The following ZNF714 variants were observed in gnomAD, a reference collection of about 807,000 sequenced individuals.
The protein encoded by ZNF714 is zinc finger protein 714.
Under a neutral mutation model 46.2 loss-of-function variants are expected in ZNF714, and 32 were observed. That is an observed-to-expected ratio of 0.69 (90% CI 0.52 to 0.93). The LOEUF (loss-of-function observed/expected upper bound fraction) is 0.93, where lower values mean the gene tolerates loss of function less well. Ranked by LOEUF, ZNF714 falls within the 40% of genes least tolerant of loss-of-function variation. The pLI, the probability that ZNF714 is intolerant of heterozygous loss-of-function variation, is 0.00. For missense variants in ZNF714, 635 were observed against 646.3 expected, an observed-to-expected ratio of 0.98 and a Z score of 0.19; for synonymous variants, 199 against 213.1, an observed-to-expected ratio of 0.93 and a Z score of 0.58.
At chr19:21,095,137 A>AG (rs1401397490) in intron 2 of ZNF714, among the ~76,000 whole-genome samples, 4 of 152,148 alleles carry the variant, frequency 2.6e-5, no homozygotes, top group Non-Finnish European at 5.9e-5. Flanking sequence ...TTTGCTATGA[A>AG]GAAGCTCTTT....
intron 4 of ZNF714, among the ~76,000 whole-genome samples, chr19:21,110,658 G>A (rs1007513222): frequency 5.3e-5 from 8 of 152,032 alleles, no homozygotes; most frequent in Non-Finnish European, 8.8e-5. Context: ...TGAAATCTTT[G>A]CCCATGCCTA....
chr19:21,117,600 T>TC lies in ZNF714; in HGVS notation c.936_937insC (p.Tyr313LeufsTer4). Reference sequence around the variant, plus strand: ...AGATAATTCATTCTGGAGAGAAATCTTACAAATGTGAACAATGTGGCAAAG... The same window carrying TC: ...AGATAATTCATTCTGGAGAGAAATCTCTACAAATGTGAACAATGTGGCAAAG... On this transcript the variant is annotated frameshift_variant, in exon 5 of 5. Coordinates refer to ENST00000456283, the MANE Select transcript of ZNF714 (RefSeq NM_182515.4). LOFTEE classifies it high-confidence loss of function. The TC allele has an allele frequency of 1.9e-6, 3 of 1,609,694 alleles. No homozygotes were observed. The South Asian group carries it at 3.3e-5, about 18-fold the overall frequency.
intron 4 of ZNF714, among the ~76,000 whole-genome samples, chr19:21,107,823 A>G (rs1468218063): frequency 6.6e-6 from 1 of 152,014 alleles, no homozygotes; most frequent in East Asian, 1.9e-4. Flanking sequence ...TACTCAACCC[A>G]TGTGTTTTAT....
At chr19:21,082,496 C>T (rs1008546563) in intron 1 of ZNF714, 148 bp downstream of exon 1, 28 of 792,002 alleles carry the variant, frequency 3.5e-5, no homozygotes, top group Middle Eastern at 2.8e-4. Flanking sequence ...CCTCAGTCCC[C>T]TTCAGCCATA....
chr19:21,098,579 C>T (rs74658357), intron 3 of ZNF714, among the ~76,000 whole-genome samples: 6,903 of 151,988 alleles, frequency 0.045, 531 homozygotes, highest in African/African-American at 0.16. Flanking sequence ...AAATATTGCC[C>T]GTATCTTAAA....
chr19:21,121,904 T>G lies in ZNF714; in HGVS notation c.*3572T>G, dbSNP rs1321675856. On this transcript the variant is annotated 3_prime_UTR_variant, in exon 5 of 5. Coordinates refer to ENST00000456283, the MANE Select transcript of ZNF714 (RefSeq NM_182515.4). ...TTTAGGAAGTATTCATTATATGAGC[T>G]GGTCTGTGATTATAAGAATTTTTAT... is the stretch of plus-strand genomic sequence containing the variant. 6.6e-6 allele frequency: 1 copy of G among 152,210 alleles called. No individual in the cohort carries two copies. Among genetic ancestry groups the G allele is most frequent in the Non-Finnish European group, 1.5e-5 (1 of 68,024 alleles). 9.4% of individuals were successfully genotyped at this position (152,210 alleles called of 1,614,324 possible).
chr19:21,098,087 ATTCTC>A (rs1969086173), intron 2 of ZNF714, 93 bp from the exon 3 acceptor site: 1 of 1,482,738 alleles, frequency 6.7e-7, no homozygotes, highest in African/African-American at 1.4e-5. Context: ...AAGTCAACCA[ATTCTC>A]TTTACTCTCT....
chr19:21,116,828 G>C lies in ZNF714; in HGVS notation c.164G>C (p.Arg55Thr). Residue 55 changes from arginine (R) to threonine (T), a missense_variant, in exon 5 of 5, where the codon AGA becomes ACA. Physicochemically the swap from Arg to Thr is moderately conservative, Grantham distance 71. Transcript: ENST00000456283. ...TCAGCTATGTGTTCTTCTTTTACCA[G>C]AGACCTTTGGCCAGAGCAAGACATA... ...ESPAMCSSFTRDLWPEQDIKD... is the reference protein window; with the variant it reads ...ESPAMCSSFTTDLWPEQDIKD... 2 of 1,597,180 alleles carry C rather than the reference G, an allele frequency of 1.3e-6. No homozygotes were observed. The highest frequency in any genetic ancestry group is 2.7e-5 in the African/African-American group (2 of 73,826).
chr19:21,091,303 A>G (rs554268021), intron 2 of ZNF714: 1 of 152,242 alleles, frequency 6.6e-6, no homozygotes, highest in South Asian at 2.1e-4. Flanking sequence ...TCTCATCACC[A>G]TGTTAATTTT....
chr19:21,090,405 G>A (rs571908725), intron 2 of ZNF714, among the ~76,000 whole-genome samples: 1 of 152,284 alleles, frequency 6.6e-6, no homozygotes, highest in South Asian at 2.1e-4. Context: ...TATGTCCCAT[G>A]GTCCTGTAGA....
chr19:21,098,365 C>CT, intron 3 of ZNF714, 54 bp downstream of exon 3: 3 of 1,571,734 alleles, frequency 1.9e-6, no homozygotes, highest in Non-Finnish European at 2.6e-6. Flanking sequence ...TTTTATGTCT[C>CT]TTTTTTTGTA....
At position 21,117,410 on chromosome 19, in the gene ZNF714, T is replaced by A. The variant is rs1369497864; in HGVS notation, c.746T>A (p.Val249Glu). 3.1e-6 allele frequency: 5 copies of A among 1,612,636 alleles called. No homozygotes were observed. The highest frequency in any genetic ancestry group is 8.5e-7 in the Non-Finnish European group (1 of 1,179,446). ...TCTTCACACCTTACTACACATAAGG[T>A]AATTCATACTGGAGAGAAGCCCTTC... ...YHSSHLTTHKVIHTGEKPFKC... is the reference protein window; with the variant it reads ...YHSSHLTTHKEIHTGEKPFKC... The change falls in exon 5 of 5, where the codon GTA (valine) becomes GAA (glutamate). Residue 249 changes from valine (V) to glutamate (E), a missense_variant. Physicochemically the swap from Val to Glu is moderately radical, Grantham distance 121. Transcript: ENST00000456283.
At chr19:21,095,126 C>T (rs1240604864) in intron 2 of ZNF714, among the ~76,000 whole-genome samples, 1 of 151,966 alleles carries the variant, frequency 6.6e-6, no homozygotes, top group Middle Eastern at 3.2e-3. Context: ...TGATAGTTTC[C>T]TTTGCTATGA....
In ZNF714 at chr19:21,123,530, T is replaced by A. The variant is rs181423327; in HGVS notation, c.*5198T>A. ...CTACCGCACCCGTCTAATTTTTTTG[T>A]ATTTTTAGTAGAGACGGGATTTCAC... On this transcript the variant is annotated 3_prime_UTR_variant, in exon 5 of 5. Transcript: ENST00000456283. 5.9e-5 allele frequency among the ~76,000 whole-genome samples: 9 copies of A among 152,174 alleles called. No homozygotes were observed. The highest frequency in any genetic ancestry group is 1.0e-4 in the Non-Finnish European group (7 of 68,014).
In ZNF714 at chr19:21,117,416, A is replaced by G. The variant is rs928379868; in HGVS notation, c.752A>G (p.His251Arg). 52 of 1,613,204 alleles carry G rather than the reference A, an allele frequency of 3.2e-5. No homozygotes were observed. Among genetic ancestry groups the G allele is most frequent in the East Asian group, 6.7e-5 (3 of 44,826 alleles). ...SSHLTTHKVI[H>R]TGEKPFKCEE... ...CACCTTACTACACATAAGGTAATTC[A>G]TACTGGAGAGAAGCCCTTCAAATGT... Residue 251 changes from histidine (H) to arginine (R), a missense_variant, in exon 5 of 5, where the codon CAT becomes CGT. Transcript: ENST00000456283.
rs191469039 is a variant in ZNF714, at chr19:21,124,747, A to C, written c.*6415A>C. On this transcript the variant is annotated 3_prime_UTR_variant, in exon 5 of 5. Transcript: ENST00000456283. The stretch of plus-strand genomic sequence containing the variant: ...TACTTATTATTTGACAGACTTTCCA[A>C]ACCCCCATTTCTTCTAAATACCTTG... 2.0e-5 allele frequency among the ~76,000 whole-genome samples: 3 copies of C among 151,998 alleles called. No homozygotes were observed. Among genetic ancestry groups the C allele is most frequent in the African/African-American group, 7.2e-5 (3 of 41,472 alleles).
At chr19:21,100,166 T>A (rs1969142970) in intron 4 of ZNF714, among the ~76,000 whole-genome samples, 1 of 152,048 alleles carries the variant, frequency 6.6e-6, no homozygotes. Flanking sequence ...CATAAAATAT[T>A]TTTAAATTTA....
intron 2 of ZNF714, among the ~76,000 whole-genome samples, chr19:21,097,889 C>T (rs1327384871): frequency 6.6e-6 from 1 of 151,940 alleles, no homozygotes; most frequent in Non-Finnish European, 1.5e-5. Flanking sequence ...ATATACACAA[C>T]TCATTATGAT....
At chr19:21,102,269 G>A (rs1208768342) in intron 4 of ZNF714, among the ~76,000 whole-genome samples, 2 of 151,966 alleles carry the variant, frequency 1.3e-5, no homozygotes, top group Non-Finnish European at 2.9e-5. Context: ...TGGACATTTA[G>A]GACAATATGC....
Sources: gnomAD v4.1 joint callset for allele counts (sites outside exome capture counted in the v4.1 genomes callset) on GRCh38, gnomAD v4.1.1 for gene constraint, MANE v1.5 for transcripts, NCBI Gene and HGNC (gene_info 2026-07-23, HGNC 2026-07-21) for gene names.